The following PPP1R9A variants were observed in gnomAD, a reference collection of about 807,000 sequenced individuals.
PPP1R9A encodes neurabin-1.
Under a neutral mutation model 141.9 loss-of-function variants are expected in PPP1R9A, and 59 were observed. The ratio of observed to expected loss-of-function variants is 0.42; its 90% CI spans 0.34 to 0.52. PPP1R9A has a LOEUF of 0.52. Ranked by LOEUF, PPP1R9A falls within the 20% of genes least tolerant of loss-of-function variation. The probability of loss-of-function intolerance (pLI) is 0.10; values close to 1 mark genes in which losing one functional copy is unlikely to be tolerated. For synonymous variants in PPP1R9A, 500 were observed against 569.7 expected, an observed-to-expected ratio of 0.88 and a Z score of 1.74; for missense variants, 1,444 against 1,611.9, an observed-to-expected ratio of 0.90 and a Z score of 1.78.
intron 2 of PPP1R9A, among the ~76,000 whole-genome samples, chr7:94,951,779 G>A (rs1304286633): frequency 8.0e-5 from 12 of 150,822 alleles, no homozygotes; most frequent in Non-Finnish European, 1.8e-4. Flanking sequence ...AGCAGTTTTT[G>A]TAATACTAGA....
intron 8 of PPP1R9A, among the ~76,000 whole-genome samples, chr7:95,226,589 G>C (rs1454182285): frequency 6.6e-6 from 1 of 152,198 alleles, no homozygotes; most frequent in Non-Finnish European, 1.5e-5. Flanking sequence ...AAGGGGTGGT[G>C]AAGTGCACAG....
At chr7:95,108,676 G>A (rs192073109) in intron 2 of PPP1R9A, among the ~76,000 whole-genome samples, 2 of 151,896 alleles carry the variant, frequency 1.3e-5, no homozygotes, top group African/African-American at 4.8e-5. Context: ...TACTGTTTTA[G>A]GTTTGTTTTA....
rs1175215315 is a variant in PPP1R9A at position 95,180,713 on chromosome 7, A to G, written c.1755-17636A>G. ...AATCCCATCAAAAAGTGGGCTAAGG[A>G]CATACACAGTTCTCAAAACAAAAGA... is the stretch of plus-strand genomic sequence containing the variant. On this transcript the variant is annotated intron_variant, in intron 5 of 19. Coordinates refer to ENST00000433360, the MANE Select transcript of PPP1R9A (RefSeq NM_001166160.2). 2.6e-5 allele frequency among the ~76,000 whole-genome samples: 4 copies of G among 152,024 alleles called. No individual in the cohort carries two copies. The East Asian group carries it at 7.7e-4, about 29-fold the overall frequency.
At chr7:95,134,407 C>G (rs990688238) in intron 4 of PPP1R9A, among the ~76,000 whole-genome samples, 14 of 152,076 alleles carry the variant, frequency 9.2e-5, no homozygotes, top group African/African-American at 3.4e-4. Flanking sequence ...ATGGGTGCAG[C>G]AAACCACCAT....
intron 4 of PPP1R9A, among the ~76,000 whole-genome samples, chr7:95,157,510 G>A (rs969477086): frequency 9.2e-5 from 14 of 152,160 alleles, no homozygotes; most frequent in African/African-American, 3.4e-4. Flanking sequence ...CACCTCAGAA[G>A]GAGAAGGGCT....
intron 2 of PPP1R9A, among the ~76,000 whole-genome samples, chr7:94,965,384 A>G (rs1798091735): frequency 1.3e-5 from 2 of 152,002 alleles, no homozygotes; most frequent in African/African-American, 2.4e-5. Context: ...TTAGTCATGA[A>G]GTCTTTGCCC....
chr7:95,263,951 A>G (rs965384136), intron 12 of PPP1R9A, among the ~76,000 whole-genome samples: 6 of 152,126 alleles, frequency 3.9e-5, no homozygotes, highest in Non-Finnish European at 8.8e-5. Flanking sequence ...CAATACAGTT[A>G]TTATGTTTTG....
At chr7:95,140,376 A>C (rs1014456837) in intron 4 of PPP1R9A, among the ~76,000 whole-genome samples, 1 of 152,170 alleles carries the variant, frequency 6.6e-6, no homozygotes, top group Non-Finnish European at 1.5e-5. Flanking sequence ...TTAATTTTCA[A>C]TCAATTATAA....
At chr7:95,202,326 T>G (rs1237161320) in intron 6 of PPP1R9A, among the ~76,000 whole-genome samples, 1 of 152,082 alleles carries the variant, frequency 6.6e-6, no homozygotes, top group Non-Finnish European at 1.5e-5. Flanking sequence ...ATCCCTGTTT[T>G]TGTTTACTCT....
At chr7:95,148,475 A>G (rs1828042024) in intron 4 of PPP1R9A, among the ~76,000 whole-genome samples, 1 of 152,158 alleles carries the variant, frequency 6.6e-6, no homozygotes, top group African/African-American at 2.4e-5. Flanking sequence ...ATTTTTTCCA[A>G]GGTGTAAATC....
chr7:95,098,379 T>C (rs994513347), intron 2 of PPP1R9A: 2 of 140,008 alleles, frequency 1.4e-5, no homozygotes, highest in African/African-American at 2.8e-5. Context: ...TGAATAAAAA[T>C]AAATAAATAA....
chr7:95,163,757 T>C (rs1002667162), intron 5 of PPP1R9A, among the ~76,000 whole-genome samples: 2 of 152,142 alleles, frequency 1.3e-5, no homozygotes, highest in African/African-American at 2.4e-5. Flanking sequence ...TGTTATTTTT[T>C]GAGACAGAGT....
chr7:95,054,074 G>T (rs1056008542), intron 2 of PPP1R9A, among the ~76,000 whole-genome samples: 5 of 150,790 alleles, frequency 3.3e-5, no homozygotes, highest in African/African-American at 1.2e-4. Context: ...GATAATATTA[G>T]ATTAGTCCAC....
At chr7:95,240,667 A>G (rs1797323630) in intron 8 of PPP1R9A, among the ~76,000 whole-genome samples, 1 of 152,076 alleles carries the variant, frequency 6.6e-6, no homozygotes, top group South Asian at 2.1e-4. Context: ...AAATTCATTT[A>G]TGCTTTTTAG....
At chr7:94,980,182 TA>T (rs71292968) in intron 2 of PPP1R9A, among the ~76,000 whole-genome samples, 2,083 of 126,118 alleles carry the variant, frequency 0.017, 34 homozygotes, top group African/African-American at 0.048. Flanking sequence ...GCTGATGAGC[TA>T]AAAAAAAAAA....
chr7:95,033,947 A>G (rs1317147980), intron 2 of PPP1R9A, among the ~76,000 whole-genome samples: 2 of 152,098 alleles, frequency 1.3e-5, no homozygotes, highest in Non-Finnish European at 2.9e-5. Flanking sequence ...TTCATATCTC[A>G]TAAAGTTCTT....
chr7:95,167,907 A>G (rs889608938), intron 5 of PPP1R9A, among the ~76,000 whole-genome samples: 5 of 152,166 alleles, frequency 3.3e-5, no homozygotes, highest in African/African-American at 1.2e-4. Flanking sequence ...GAGGACACAA[A>G]CAAAACAAAG....
At chr7:95,089,338 C>T (rs779354143) in intron 2 of PPP1R9A, among the ~76,000 whole-genome samples, 18 of 151,860 alleles carry the variant, frequency 1.2e-4, no homozygotes, top group Admixed American at 1.0e-3. Context: ...TGTGAAAGGA[C>T]TCATTTTGCT....
intron 4 of PPP1R9A, among the ~76,000 whole-genome samples, chr7:95,129,813 T>C (rs1221403667): frequency 6.6e-6 from 1 of 152,184 alleles, no homozygotes; most frequent in Non-Finnish European, 1.5e-5. Flanking sequence ...GTTGTCATTT[T>C]GCCCCTACCC....
Sources: gnomAD v4.1 joint callset for allele counts (sites outside exome capture counted in the v4.1 genomes callset) on GRCh38, gnomAD v4.1.1 for gene constraint, MANE v1.5 for transcripts, NCBI Gene and HGNC (gene_info 2026-07-23, HGNC 2026-07-21) for gene names.